Variants in IL23R observed in about 807,000 individuals in gnomAD.
The protein encoded by IL23R is interleukin-23 receptor.
A neutral mutation model predicts 56.9 loss-of-function variants in IL23R; 34 were observed. The ratio of observed to expected loss-of-function variants is 0.60; its 90% CI spans 0.45 to 0.80. IL23R has a LOEUF of 0.80. IL23R is among the 30% of genes least tolerant of loss of function. The probability of loss-of-function intolerance (pLI) is 0.00; values close to 1 mark genes in which losing one functional copy is unlikely to be tolerated. For missense variants in IL23R, 635 were observed against 730.0 expected (o/e 0.87, Z 1.50); for synonymous variants, 230 against 249.2 (o/e 0.92, Z 0.73).
chr1:67,228,567 CA>C (rs1432806565), intron 7 of IL23R, among the ~76,000 whole-genome samples: 3 of 151,978 alleles, frequency 2.0e-5, no homozygotes, highest in Non-Finnish European at 4.4e-5. Context: ...CACAAATCAT[CA>C]CAAACTTGAA....
At chr1:67,156,107 G>A (rs1374869444) in intron 1 of IL23R, among the ~76,000 whole-genome samples, 1 of 152,132 alleles carries the variant, frequency 6.6e-6, no homozygotes, top group South Asian at 2.1e-4. Flanking sequence ...ATTCTCCTGG[G>A]TATCACCAGT....
intron 4 of IL23R, chr1:67,196,306 T>C (rs1349954452): frequency 6.6e-6 from 1 of 152,004 alleles, no homozygotes; most frequent in Non-Finnish European, 1.5e-5. Context: ...CGTGGGAGGA[T>C]CCCTTGAGGC....
At chr1:67,236,558 T>C (rs1222568948) in intron 7 of IL23R, among the ~76,000 whole-genome samples, 155 bp from the exon 8 acceptor site, 1 of 152,242 alleles carries the variant, frequency 6.6e-6, no homozygotes, top group African/African-American at 2.4e-5. Flanking sequence ...AAAAGACACA[T>C]ACTCGAAGAC....
intron 4 of IL23R, among the ~76,000 whole-genome samples, chr1:67,183,786 G>C (rs888481765): frequency 6.6e-6 from 1 of 152,076 alleles, no homozygotes; most frequent in Non-Finnish European, 1.5e-5. Context: ...CTTAAATTTA[G>C]TGTCTACATA....
intron 3 of IL23R, among the ~76,000 whole-genome samples, chr1:67,176,189 T>C (rs1647005483): frequency 6.6e-6 from 1 of 152,020 alleles, no homozygotes; most frequent in African/African-American, 2.4e-5. Context: ...ATATGGGAAA[T>C]GAAGAATAAT....
chr1:67,151,705 G>A (rs551795251), intron 1 of IL23R, among the ~76,000 whole-genome samples: 6 of 152,232 alleles, frequency 3.9e-5, no homozygotes, highest in African/African-American at 1.4e-4. Flanking sequence ...TATTAAATAG[G>A]GAATCCTTTC....
At chr1:67,262,311 G>C (rs934917104), downstream of IL23R, among the ~76,000 whole-genome samples, 7 of 152,088 alleles carry the variant, frequency 4.6e-5, no homozygotes, top group Admixed American at 3.3e-4. Flanking sequence ...ATTTTAGTAG[G>C]GGAAGAGGCC....
chr1:67,153,577 G>A (rs1005871964), intron 1 of IL23R, among the ~76,000 whole-genome samples: 2 of 151,992 alleles, frequency 1.3e-5, no homozygotes, highest in Non-Finnish European at 2.9e-5. Flanking sequence ...TTGTGATGTT[G>A]GCATTTAGTC....
In IL23R at chr1:67,259,530, A is replaced by G; in HGVS notation, c.*402A>G. On this transcript the variant is annotated 3_prime_UTR_variant, in exon 11 of 11. Transcript: ENST00000347310. ...AAAAACAGCATTATGTGGACGCCTC[A>G]TGTATTTTTTATAGAGTCAACTATT... The G allele has an allele frequency of 4.3e-6, 1 of 230,382 alleles. No homozygotes were observed. Among genetic ancestry groups the G allele is most frequent in the Non-Finnish European group, 8.5e-6 (1 of 117,112 alleles). 14.3% of individuals were successfully genotyped at this position (230,382 alleles called of 1,614,324 possible).
At chr1:67,180,026 A>G (rs879992003) in intron 3 of IL23R, among the ~76,000 whole-genome samples, 1 of 151,914 alleles carries the variant, frequency 6.6e-6, no homozygotes, top group Non-Finnish European at 1.5e-5. Flanking sequence ...GCTGAGGAGT[A>G]CTTTACTTCC....
chr1:67,243,384 T>A (rs956598182), intron 9 of IL23R, among the ~76,000 whole-genome samples: 2 of 152,100 alleles, frequency 1.3e-5, no homozygotes, highest in African/African-American at 4.8e-5. Context: ...TAGGTATACA[T>A]GTGCCATGGT....
chr1:67,152,383 A>G (rs1646736103), intron 1 of IL23R, among the ~76,000 whole-genome samples: 1 of 152,324 alleles, frequency 6.6e-6, no homozygotes, highest in South Asian at 2.1e-4. Context: ...TTCTAAATAT[A>G]CAAACATGTC....
chr1:67,220,299 G>A (rs891469634), intron 7 of IL23R, among the ~76,000 whole-genome samples: 1 of 152,012 alleles, frequency 6.6e-6, no homozygotes, highest in African/African-American at 2.4e-5. Context: ...AACCCAAGAA[G>A]TGGAGGTTGC....
At chr1:67,164,492 G>C (rs1266390723), upstream of IL23R, among the ~76,000 whole-genome samples, 2 of 151,982 alleles carry the variant, frequency 1.3e-5, no homozygotes, top group African/African-American at 4.8e-5. Context: ...AAATTACCGG[G>C]GCATGGTGGC....
chr1:67,192,065 C>T (rs1647792032), intron 4 of IL23R, among the ~76,000 whole-genome samples: 1 of 152,144 alleles, frequency 6.6e-6, no homozygotes, highest in Non-Finnish European at 1.5e-5. Context: ...CATGGCAAGC[C>T]AGCAGTGCAT....
chr1:67,229,431 A>G (rs1650951577), intron 7 of IL23R, among the ~76,000 whole-genome samples: 2 of 152,172 alleles, frequency 1.3e-5, no homozygotes, highest in Admixed American at 1.3e-4. Context: ...CCATGTGTTC[A>G]GCTATCCTGA....
At chr1:67,170,492 T>A (rs1646929686) in intron 3 of IL23R, among the ~76,000 whole-genome samples, 1 of 152,210 alleles carries the variant, frequency 6.6e-6, no homozygotes, top group Non-Finnish European at 1.5e-5. Context: ...CTTAAAAATA[T>A]ACGCTAAATT....
chr1:67,200,586 T>C lies in IL23R; in HGVS notation c.492-151T>C. 4.7e-6 allele frequency: 3 copies of C among 638,826 alleles called. No individual in the cohort carries two copies. The Admixed American group carries it at 7.6e-5, about 16-fold the overall frequency. 39.6% of individuals were successfully genotyped at this position (638,826 alleles called of 1,614,324 possible). ...TTTTAATAGAGACAGGGTTTCACCA[T>C]GTTGGCCAGGCTGGTCTCGAACTCC... On this transcript the variant is annotated intron_variant, in intron 4 of 10. Coordinates refer to ENST00000347310, the MANE Select transcript of IL23R (RefSeq NM_144701.3).
chr1:67,188,887 G>A (rs1268677645), intron 4 of IL23R, among the ~76,000 whole-genome samples: 3 of 152,024 alleles, frequency 2.0e-5, no homozygotes, highest in African/African-American at 7.2e-5. Context: ...TATTACATTG[G>A]GGTTTAAGTT....
Sources: allele counts gnomAD v4.1 joint callset (sites outside exome capture counted in the v4.1 genomes callset), GRCh38; gene constraint gnomAD v4.1.1; transcripts MANE v1.5; gene names NCBI Gene and HGNC (gene_info 2026-07-23, HGNC 2026-07-21).